Variants in GRIK2 observed in about 807,000 individuals in gnomAD.
The protein encoded by GRIK2 is glutamate receptor ionotropic, kainate 2.
A neutral mutation model predicts 100.3 loss-of-function variants in GRIK2; 32 were observed. The observed-to-expected ratio is 0.32, with a 90% confidence interval of 0.24 to 0.43. The LOEUF is 0.43. GRIK2 is among the 20% of genes least tolerant of loss of function. The pLI, the probability that GRIK2 is intolerant of heterozygous loss-of-function variation, is 1.00. For synonymous variants in GRIK2, 417 were observed against 389.4 expected, an observed-to-expected ratio of 1.07 and a Z score of -0.83; for missense variants, 843 against 1,114.9, an observed-to-expected ratio of 0.76 and a Z score of 3.47.
At chr6:101,896,076 T>G (rs1440911766) in intron 12 of GRIK2, among the ~76,000 whole-genome samples, 1 of 151,760 alleles carries the variant, frequency 6.6e-6, no homozygotes, top group African/African-American at 2.4e-5. Flanking sequence ...ATTATTATTT[T>G]TTGTTACAAT....
chr6:101,780,931 G>A (rs1266982711), intron 7 of GRIK2, among the ~76,000 whole-genome samples: 2 of 152,156 alleles, frequency 1.3e-5, no homozygotes, highest in African/African-American at 2.4e-5. Context: ...GGGGTTATAA[G>A]AATGTCCTTT....
chr6:101,433,483 A>G (rs1769536393), intron 2 of GRIK2, among the ~76,000 whole-genome samples: 1 of 152,202 alleles, frequency 6.6e-6, no homozygotes, highest in Non-Finnish European at 1.5e-5. Flanking sequence ...AACAGATGTA[A>G]TGGCCTCAGC....
chr6:101,941,913 C>T (rs937945403), intron 14 of GRIK2, among the ~76,000 whole-genome samples: 8 of 151,974 alleles, frequency 5.3e-5, no homozygotes, highest in African/African-American at 1.9e-4. Flanking sequence ...ACTTTGGGTA[C>T]ATTTTTTCCT....
Position 101,847,500 on chromosome 6 carries a change from G to A in GRIK2, c.1318-11787G>A, listed in dbSNP as rs188389615. ...AAAGTCTGTATTTTTTGTTCTGGGTGGCCACTGAAATGTGTGATTGTTAGG... is the reference window on the plus strand; with the variant it reads ...AAAGTCTGTATTTTTTGTTCTGGGTAGCCACTGAAATGTGTGATTGTTAGG... On this transcript the variant is annotated intron_variant, in intron 10 of 16. Transcript: ENST00000369134. Among the ~76,000 whole-genome samples the A allele has an allele frequency of 2.0e-5, 3 of 152,040 alleles. No individual in the cohort carries two copies. The East Asian group carries it at 5.8e-4, about 29-fold the overall frequency.
intron 5 of GRIK2, among the ~76,000 whole-genome samples, chr6:101,681,404 ATTTTTTTTT>A (rs149557882): frequency 8.9e-6 from 1 of 111,956 alleles, no homozygotes; most frequent in East Asian, 2.5e-4. Flanking sequence ...TTTCTTTTCT[ATTTTTTTTT>A]TTTTTTTTTT....
chr6:101,865,056 T>G (rs1320361669), intron 11 of GRIK2, among the ~76,000 whole-genome samples: 1 of 152,210 alleles, frequency 6.6e-6, no homozygotes, highest in Non-Finnish European at 1.5e-5. Flanking sequence ...CTTTTTAAAT[T>G]ATGTTCATTT....
chr6:101,823,537 T>C (rs1196497692), intron 10 of GRIK2, among the ~76,000 whole-genome samples: 1 of 152,156 alleles, frequency 6.6e-6, no homozygotes, highest in Non-Finnish European at 1.5e-5. Flanking sequence ...TCTCTGTTTT[T>C]TTGTGTTTAT....
At chr6:101,869,883 T>C (rs748014424) in intron 11 of GRIK2, among the ~76,000 whole-genome samples, 4 of 151,922 alleles carry the variant, frequency 2.6e-5, no homozygotes, top group Non-Finnish European at 4.4e-5. Flanking sequence ...AAGCTTTTTC[T>C]ATTGTGCATG....
At chr6:101,431,896 T>G (rs772735933) in intron 2 of GRIK2, among the ~76,000 whole-genome samples, 1 of 152,106 alleles carries the variant, frequency 6.6e-6, no homozygotes, top group Non-Finnish European at 1.5e-5. Flanking sequence ...CAGGCATGGA[T>G]AGCTGGCATG....
intron 2 of GRIK2, among the ~76,000 whole-genome samples, chr6:101,588,244 G>GA (rs1205175328): frequency 1.3e-5 from 2 of 151,904 alleles, no homozygotes; most frequent in African/African-American, 4.8e-5. Flanking sequence ...AAGAAAAATA[G>GA]AAAAAAGCAT....
chr6:101,788,857 T>C (rs1779621193), intron 7 of GRIK2, among the ~76,000 whole-genome samples: 1 of 152,106 alleles, frequency 6.6e-6, no homozygotes, highest in African/African-American at 2.4e-5. Flanking sequence ...TTTCTCCACA[T>C]CCTCTCCAGC....
chr6:101,663,754 T>G (rs1256644703), intron 4 of GRIK2, among the ~76,000 whole-genome samples: 1 of 152,222 alleles, frequency 6.6e-6, no homozygotes, highest in Non-Finnish European at 1.5e-5. Context: ...GATGCATTTC[T>G]GGGTTGTGTT....
intron 14 of GRIK2, among the ~76,000 whole-genome samples, chr6:101,929,384 TG>T (rs1249937483): frequency 2.0e-5 from 3 of 152,220 alleles, no homozygotes; most frequent in African/African-American, 7.2e-5. Context: ...TTACAGTTTT[TG>T]TAGGTTGGGC....
At chr6:101,413,457 T>C (rs1775973666) in intron 2 of GRIK2, among the ~76,000 whole-genome samples, 1 of 152,148 alleles carries the variant, frequency 6.6e-6, no homozygotes, top group Non-Finnish European at 1.5e-5. Flanking sequence ...TTATTCAGCA[T>C]TGGTGTCTTG....
intron 16 of GRIK2, among the ~76,000 whole-genome samples, chr6:102,066,296 C>T (rs1326364744): frequency 1.3e-5 from 2 of 151,338 alleles, no homozygotes; most frequent in African/African-American, 4.8e-5. Context: ...ATATTAGAGT[C>T]CTGTGTATCT....
chr6:102,063,955 T>C, intron 16 of GRIK2: 1 of 1,384,258 alleles, frequency 7.2e-7, no homozygotes, highest in Non-Finnish European at 1.0e-6. Context: ...TAAATTTTCA[T>C]TTTCAGGAAT....
chr6:101,438,421 TTTTA>T (rs1256687245), intron 2 of GRIK2, among the ~76,000 whole-genome samples: 3 of 152,170 alleles, frequency 2.0e-5, no homozygotes, highest in African/African-American at 7.2e-5. Flanking sequence ...TTTAGATGAA[TTTTA>T]TTTGAGAGAT....
intron 2 of GRIK2, among the ~76,000 whole-genome samples, chr6:101,544,500 G>A (rs989385192): frequency 6.6e-6 from 1 of 152,100 alleles, no homozygotes; most frequent in Non-Finnish European, 1.5e-5. Flanking sequence ...GTTGCTTCTC[G>A]AAGACTTTTT....
chr6:101,706,532 A>T (rs1345075085), intron 7 of GRIK2, among the ~76,000 whole-genome samples: 2 of 151,944 alleles, frequency 1.3e-5, no homozygotes, highest in African/African-American at 4.8e-5. Context: ...AAATGACAAG[A>T]TGAGATTAGA....
Sources: allele counts gnomAD v4.1 joint callset (sites outside exome capture counted in the v4.1 genomes callset), GRCh38; gene constraint gnomAD v4.1.1; transcripts MANE v1.5; gene names NCBI Gene and HGNC (gene_info 2026-07-23, HGNC 2026-07-21).